CCDC57: variants seen among roughly 807,000 people sequenced by gnomAD.
The protein encoded by CCDC57 is coiled-coil domain-containing protein 57.
In CCDC57, 118 loss-of-function variants were observed where a neutral mutation model predicts 118.9. That is an observed-to-expected ratio of 0.99 (90% CI 0.86 to 1.16). CCDC57 has a LOEUF of 1.16. Among genes scored for constraint, CCDC57 ranks in the 50% most tolerant of loss-of-function variants. The pLI, the probability that CCDC57 is intolerant of heterozygous loss-of-function variation, is 0.00. For synonymous variants in CCDC57, 527 were observed against 532.9 expected, an observed-to-expected ratio of 0.99 and a Z score of 0.15; for missense variants, 1,300 against 1,320.7, an observed-to-expected ratio of 0.98 and a Z score of 0.24.
intron 9 of CCDC57, among the ~76,000 whole-genome samples, chr17:82,179,633 G>A (rs976318663): frequency 3.9e-5 from 6 of 151,920 alleles, no homozygotes; most frequent in Admixed American, 2.6e-4. Flanking sequence ...CGGGGCGGGC[G>A]GGGATGGGAG....
chr17:82,206,464 C>A (rs927878988), intron 2 of CCDC57, among the ~76,000 whole-genome samples: 1 of 152,082 alleles, frequency 6.6e-6, no homozygotes, highest in African/African-American at 2.4e-5. Context: ...AGCTCCCACC[C>A]TCTACCCTGG....
chr17:82,113,739 C>T (rs2035478248), intron 19 of CCDC57: 2 of 700,336 alleles, frequency 2.9e-6, no homozygotes, highest in Admixed American at 2.0e-5. Context: ...TCGAGACCAG[C>T]CTGGGTGACA....
At chr17:82,116,939 G>A (rs903752050) in intron 19 of CCDC57, among the ~76,000 whole-genome samples, 3 of 152,120 alleles carry the variant, frequency 2.0e-5, no homozygotes, top group Admixed American at 6.5e-5. Context: ...CACAACAAAC[G>A]CCCATTTTTC....
At chr17:82,183,746 A>G (rs781742518) in intron 9 of CCDC57, 28 bp downstream of exon 8, 66 of 1,548,342 alleles carry the variant, frequency 4.3e-5, no homozygotes, top group Middle Eastern at 1.7e-4. Context: ...GAGACCCTCA[A>G]TGGAAACATC....
At chr17:82,113,485 C>T in intron 19 of CCDC57, 2 of 717,598 alleles carry the variant, frequency 2.8e-6, no homozygotes, top group Non-Finnish European at 5.2e-6. Flanking sequence ...CTGTCCTGAT[C>T]CCACTGCAAG....
chr17:82,178,930 A>T, intron 10 of CCDC57, 97 bp downstream of exon 9: 1 of 1,378,460 alleles, frequency 7.3e-7, no homozygotes, highest in Non-Finnish European at 9.8e-7. Flanking sequence ...GTGTTTTCAA[A>T]TTTAAAGAAC....
intron 15 of CCDC57, chr17:82,157,524 T>G: frequency 7.0e-7 from 1 of 1,421,294 alleles, no homozygotes; most frequent in African/African-American, 1.4e-5. Flanking sequence ...CAACGGGGCA[T>G]CAAGGTGAAG....
At chr17:82,195,617 GA>G (rs201161754) in intron 4 of CCDC57, among the ~76,000 whole-genome samples, 6 of 145,340 alleles carry the variant, frequency 4.1e-5, no homozygotes, top group Admixed American at 3.4e-4. Context: ...TGTCGCTACA[GA>G]AAAAAAAAAG....
intron 19 of CCDC57, among the ~76,000 whole-genome samples, chr17:82,102,953 T>C (rs9908277): frequency 0.48 from 73,218 of 151,712 alleles, 18,322 homozygotes; most frequent in Non-Finnish European, 0.54. Flanking sequence ...GTGGCCACAC[T>C]GTGGCTGGGG....
At chr17:82,128,706 T>C (rs1343313458) in intron 17 of CCDC57, 109 bp from the exon 17 acceptor site, 4 of 866,962 alleles carry the variant, frequency 4.6e-6, no homozygotes, top group Non-Finnish European at 7.2e-6. Flanking sequence ...ACATTTCTGG[T>C]ATTAAAGACT....
At chr17:82,184,027 GCGCGCACACACACACACACACA>G (rs1170129115) in intron 8 of CCDC57, 95 bp from the exon 8 acceptor site, 36 of 328,636 alleles carry the variant, frequency 1.1e-4, no homozygotes, top group Admixed American at 2.0e-4. Flanking sequence ...GCGCGCGCGC[GCGCGCACACACACACACACACA>G]CACACACACA....
At chr17:82,186,148 G>A (rs1261235287) in intron 8 of CCDC57, among the ~76,000 whole-genome samples, 1 of 152,036 alleles carries the variant, frequency 6.6e-6, no homozygotes, top group Non-Finnish European at 1.5e-5. Context: ...TCATACTTGG[G>A]ATCATGGGAT....
chr17:82,209,280 A>C (rs1448496527), intron 1 of CCDC57, among the ~76,000 whole-genome samples: 1 of 152,212 alleles, frequency 6.6e-6, no homozygotes, highest in Non-Finnish European at 1.5e-5. Flanking sequence ...GTAAGTGAGA[A>C]ATAGAAGTTG....
intron 1 of CCDC57, among the ~76,000 whole-genome samples, chr17:82,211,026 A>G (rs1279125189): frequency 6.6e-6 from 1 of 151,638 alleles, no homozygotes; most frequent in East Asian, 1.9e-4. Flanking sequence ...AAAAAAAGAA[A>G]AAGAGAGAAA....
intron 16 of CCDC57, among the ~76,000 whole-genome samples, chr17:82,147,166 T>TA (rs942564990): frequency 2.7e-4 from 41 of 151,532 alleles, no homozygotes; most frequent in African/African-American, 9.4e-4. Context: ...AAAGGATGGA[T>TA]AGGTGGGTGG....
intron 3 of CCDC57, among the ~76,000 whole-genome samples, chr17:82,200,837 A>C (rs1169856761): frequency 6.6e-6 from 1 of 152,258 alleles, no homozygotes; most frequent in Non-Finnish European, 1.5e-5. Flanking sequence ...TGTTAGAAGA[A>C]TACATAAAAC....
At chr17:82,189,910 C>T (rs1465483182) in intron 7 of CCDC57, among the ~76,000 whole-genome samples, 4 of 151,480 alleles carry the variant, frequency 2.6e-5, no homozygotes, top group African/African-American at 7.3e-5. Context: ...CTGGGGAGGC[C>T]GAGGCAGGAG....
chr17:82,156,638 G>GGCAGGT (rs1314435738), intron 15 of CCDC57: 1 of 152,298 alleles, frequency 6.6e-6, no homozygotes, highest in Non-Finnish European at 1.5e-5. Context: ...CAGGTACAGG[G>GGCAGGT]GCAGGTGCAG....
chr17:82,138,241 C>T (rs186643892), intron 16 of CCDC57, among the ~76,000 whole-genome samples: 7,064 of 148,658 alleles, frequency 0.048, 224 homozygotes, highest in African/African-American at 0.089. Context: ...CTCCGCCTCC[C>T]GGGTTCACGC....
Sources: gnomAD v4.1 joint callset for allele counts (sites outside exome capture counted in the v4.1 genomes callset) on GRCh38, gnomAD v4.1.1 for gene constraint, MANE v1.5 for transcripts, NCBI Gene and HGNC (gene_info 2026-07-23, HGNC 2026-07-21) for gene names.